The following PIEZO2 variants were observed in gnomAD, a reference collection of about 807,000 sequenced individuals.
PIEZO2 encodes piezo type mechanosensitive ion channel component 2.
In PIEZO2, 172 loss-of-function variants were observed where a neutral mutation model predicts 337.3. The ratio of observed to expected loss-of-function variants is 0.51; its 90% CI spans 0.45 to 0.58. The LOEUF (loss-of-function observed/expected upper bound fraction) is 0.58. Ranked by LOEUF, PIEZO2 falls within the 20% of genes least tolerant of loss-of-function variation. The pLI, the probability that PIEZO2 is intolerant of heterozygous loss-of-function variation, is 0.00. For missense variants in PIEZO2, 3,028 were observed against 3,391.3 expected (o/e 0.89, Z 2.66); for synonymous variants, 1,251 against 1,228.5 (o/e 1.02, Z -0.38).
At chr18:11,124,886 T>C (rs181357875) in intron 1 of PIEZO2, among the ~76,000 whole-genome samples, 19 of 152,284 alleles carry the variant, frequency 1.2e-4, no homozygotes, top group Non-Finnish European at 2.1e-4. Context: ...AGAAAACAGA[T>C]TGAAAGAGCC....
At chr18:11,079,886 G>A (rs2145978946) in intron 1 of PIEZO2, among the ~76,000 whole-genome samples, 1 of 152,370 alleles carries the variant, frequency 6.6e-6, no homozygotes. Context: ...TACAAAGAAT[G>A]ACTGTTGCAG....
chr18:10,831,944 C>A (rs1281499434), intron 7 of PIEZO2, among the ~76,000 whole-genome samples: 2 of 152,168 alleles, frequency 1.3e-5, no homozygotes, highest in Admixed American at 1.3e-4. Context: ...GCTACCATAG[C>A]TTGGAAAGCA....
At chr18:10,745,683 C>A (rs563089937) in intron 30 of PIEZO2, among the ~76,000 whole-genome samples, 2 of 152,206 alleles carry the variant, frequency 1.3e-5, no homozygotes, top group South Asian at 4.2e-4. Flanking sequence ...TCTTTCTTTG[C>A]CATCTCTCAA....
intron 3 of PIEZO2, among the ~76,000 whole-genome samples, chr18:10,955,830 A>G (rs1458034981): frequency 6.6e-6 from 1 of 152,230 alleles, no homozygotes; most frequent in African/African-American, 2.4e-5. Flanking sequence ...TCCACATTAT[A>G]GAACACTCCT....
rs576690995 is a variant in PIEZO2, at chr18:10,962,750, T to C, written c.286+16785A>G. On this transcript the variant is annotated intron_variant, in intron 3 of 55. Transcript: ENST00000674853. The surrounding 1 kb of genome is among the most constrained non-coding windows in gnomAD (Gnocchi z 4.1). Reference sequence around the variant, plus strand: ...TAATTTCATCCCCAAGATAAATCCATCATTTAGCCTCTTTAAATGGAAGGG... The same window carrying C: ...TAATTTCATCCCCAAGATAAATCCACCATTTAGCCTCTTTAAATGGAAGGG... Among the ~76,000 whole-genome samples the C allele has an allele frequency of 6.6e-6, 1 of 152,330 alleles. No individual in the cohort carries two copies. The highest frequency in any genetic ancestry group is 1.9e-4 in the East Asian group (1 of 5,174).
chr18:11,106,451 G>C (rs534191843), intron 1 of PIEZO2, among the ~76,000 whole-genome samples: 1 of 136,294 alleles, frequency 7.3e-6, no homozygotes, highest in Non-Finnish European at 1.5e-5. Flanking sequence ...ACAGGGTCTC[G>C]CTCTGTTGCT....
rs560411699 is a variant in PIEZO2, at chr18:10,673,406, G to T, written c.8162-533C>A. ...CATGGGACCAGCATTGACAAGGTCT[G>T]TTGGCTTAGAGAGACCACTTCTGGA... On this transcript the variant is annotated intron_variant, in intron 54 of 55. Coordinates refer to ENST00000674853, the MANE Select transcript of PIEZO2 (RefSeq NM_001378183.1). This position sits in a 1 kb window ranked among gnomAD's most constrained non-coding sequence, Gnocchi z 4.8. Among the ~76,000 whole-genome samples the T allele has an allele frequency of 6.6e-6, 1 of 152,196 alleles. No individual in the cohort carries two copies. The highest frequency in any genetic ancestry group is 2.4e-5 in the African/African-American group (1 of 41,444).
chr18:10,875,400 T>A lies in PIEZO2; in HGVS notation c.330-3985A>T, dbSNP rs139627534. On this transcript the variant is annotated intron_variant, in intron 4 of 55. Transcript: ENST00000674853. ...AAAGGGTAAACTAGAATTAATACCATTAGAATGAGAAAAAATGGGGATCAA... is the reference window on the plus strand; with the variant it reads ...AAAGGGTAAACTAGAATTAATACCAATAGAATGAGAAAAAATGGGGATCAA... Among the ~76,000 whole-genome samples, 1,098 of 152,070 alleles carry A rather than the reference T, an allele frequency of 7.2e-3. 15 individuals carry two copies. The highest frequency in any genetic ancestry group is 0.026 in the African/African-American group (1,059 of 41,468).
At chr18:10,721,965 C>T (rs1011416744) in intron 36 of PIEZO2, among the ~76,000 whole-genome samples, 1 of 151,934 alleles carries the variant, frequency 6.6e-6, no homozygotes, top group Non-Finnish European at 1.5e-5. Flanking sequence ...ACCATCCTGG[C>T]CAACATGGTG....
rs1467619779 is a variant in PIEZO2, at chr18:10,837,325, T to C, written c.917+18028A>G. 2.0e-5 allele frequency among the ~76,000 whole-genome samples: 3 copies of C among 152,240 alleles called. No individual in the cohort carries two copies. The highest frequency in any genetic ancestry group is 4.4e-5 in the Non-Finnish European group (3 of 68,052). On this transcript the variant is annotated intron_variant, in intron 7 of 55. Transcript: ENST00000674853. This position sits in a 1 kb window ranked among gnomAD's most constrained non-coding sequence, Gnocchi z 4.4. ...CCTCAAGGGAAGAAAAGAAGTCCCC[T>C]GTGAGGGGAACACAGCATCTTCTGA...
chr18:11,111,244 G>C lies in PIEZO2; in HGVS notation c.64+37281C>G, dbSNP rs1481578063. 1.3e-5 allele frequency among the ~76,000 whole-genome samples: 2 copies of C among 152,100 alleles called. No homozygotes were observed. Among genetic ancestry groups the C allele is most frequent in the Admixed American group, 6.5e-5 (1 of 15,276 alleles). Reference sequence around the variant, plus strand: ...TGGGTCCCCCAGATGGAGATCTCTGGGGTCTGTGAGAACTTCCCTGGCCTT... The same window carrying C: ...TGGGTCCCCCAGATGGAGATCTCTGCGGTCTGTGAGAACTTCCCTGGCCTT... On this transcript the variant is annotated intron_variant, in intron 1 of 55. Coordinates refer to ENST00000674853, the MANE Select transcript of PIEZO2 (RefSeq NM_001378183.1). This position sits in a 1 kb window ranked among gnomAD's most constrained non-coding sequence, Gnocchi z 6.2.
Position 10,714,759 on chromosome 18 carries a change from A to G in PIEZO2, c.5423+5T>C. ...AAGTAAACCCATTGTTAGAAAGTGA[A>G]ATACCTGGAGATACTGTCATGTGAA... On this transcript the variant is annotated splice_donor_5th_base_variant and intron_variant, in intron 39 of 55. Transcript: ENST00000674853. 6.5e-7 allele frequency: 1 copy of G among 1,536,588 alleles called. No homozygotes were observed. Among genetic ancestry groups the G allele is most frequent in the Admixed American group, 2.0e-5 (1 of 50,866 alleles).
Position 10,837,560 on chromosome 18 carries a change from CCCAAT to C in PIEZO2, c.917+17788_917+17792del, listed in dbSNP as rs992931504. Among the ~76,000 whole-genome samples, 1 of 152,154 alleles carries C rather than the reference CCCAAT, an allele frequency of 6.6e-6. No homozygotes were observed. The highest frequency in any genetic ancestry group is 2.4e-5 in the African/African-American group (1 of 41,430). The stretch of plus-strand genomic sequence containing the variant: ...CTGGTAGATGGTATCAATATCTCTT[CCCAAT>C]CCAAAATTCTATGGTACAATCTATG... On this transcript the variant is annotated intron_variant, in intron 7 of 55. Transcript: ENST00000674853. The surrounding 1 kb of genome is among the most constrained non-coding windows in gnomAD (Gnocchi z 4.4).
intron 1 of PIEZO2, among the ~76,000 whole-genome samples, chr18:11,100,552 A>G (rs572768332): frequency 1.4e-4 from 22 of 152,144 alleles, no homozygotes; most frequent in African/African-American, 4.1e-4. Flanking sequence ...CTTCTCTCTC[A>G]TGATGCTCCA....
intron 21 of PIEZO2, chr18:10,769,809 C>A: frequency 5.2e-6 from 1 of 191,618 alleles, no homozygotes; most frequent in Non-Finnish European, 1.1e-5. Context: ...GTAATGTAAA[C>A]TGGAATGCTA....
At position 11,038,985 on chromosome 18, in the gene PIEZO2, A is replaced by G. The variant is rs1220763415; in HGVS notation, c.160+27142T>C. Among the ~76,000 whole-genome samples the G allele has an allele frequency of 6.6e-6, 1 of 152,210 alleles. No homozygotes were observed. Among genetic ancestry groups the G allele is most frequent in the Non-Finnish European group, 1.5e-5 (1 of 68,040 alleles). ...TGTTTGATATATCCTTACGCAAAATAACTGGGCAAAAGATATTGTTTAGGA... is the reference window on the plus strand; with the variant it reads ...TGTTTGATATATCCTTACGCAAAATGACTGGGCAAAAGATATTGTTTAGGA... On this transcript the variant is annotated intron_variant, in intron 2 of 55. Coordinates refer to ENST00000674853, the MANE Select transcript of PIEZO2 (RefSeq NM_001378183.1). This position sits in a 1 kb window ranked among gnomAD's most constrained non-coding sequence, Gnocchi z 4.1.
chr18:10,933,291 T>C (rs2032198798), intron 3 of PIEZO2, among the ~76,000 whole-genome samples: 1 of 152,356 alleles, frequency 6.6e-6, no homozygotes, highest in Admixed American at 6.5e-5. Flanking sequence ...TTACATTACA[T>C]TGGCCACTTA....
intron 21 of PIEZO2, among the ~76,000 whole-genome samples, chr18:10,764,788 A>G (rs887646472): frequency 6.6e-6 from 1 of 152,204 alleles, no homozygotes; most frequent in Non-Finnish European, 1.5e-5. Context: ...TGAAGATGAA[A>G]GAAATACTGT....
At chr18:10,914,925 G>C (rs567858623) in intron 3 of PIEZO2, among the ~76,000 whole-genome samples, 54 of 151,988 alleles carry the variant, frequency 3.6e-4, no homozygotes, top group African/African-American at 1.2e-3. Context: ...GCTCCTTTCA[G>C]GTAGGATGTT....
Sources: gnomAD v4.1 joint callset for allele counts (sites outside exome capture counted in the v4.1 genomes callset) on GRCh38, gnomAD v4.1.1 for gene constraint, Gnocchi (gnomAD v3.1) non-coding constraint, MANE v1.5 for transcripts, NCBI Gene and HGNC (gene_info 2026-07-23, HGNC 2026-07-21) for gene names.